TACC2: variants seen among roughly 807,000 people sequenced by gnomAD.
TACC2 encodes the protein transforming acidic coiled-coil containing protein 2, also known as transforming acidic coiled-coil-containing protein 2.
A neutral mutation model predicts 227.3 loss-of-function variants in TACC2; 137 were observed. That is an observed-to-expected ratio of 0.60 (90% confidence interval 0.52 to 0.69). The LOEUF (loss-of-function observed/expected upper bound fraction) is 0.69, where lower values mean the gene tolerates loss of function less well. Among genes scored for constraint, TACC2 ranks in the 30% least tolerant of loss-of-function variants. TACC2 has a pLI of 0.00. For missense variants in TACC2, 3,470 were observed against 3,694.4 expected (o/e 0.94, Z 1.57); for synonymous variants, 1,523 against 1,487.5 (o/e 1.02, Z -0.55).
chr10:122,014,952 C>T (rs113686851), intron 1 of TACC2, among the ~76,000 whole-genome samples: 1 of 152,180 alleles, frequency 6.6e-6, no homozygotes, highest in Non-Finnish European at 1.5e-5. Flanking sequence ...GAGATAAAGG[C>T]GGAAGTTATC....
chr10:122,149,347 C>T (rs1207386572), intron 7 of TACC2, among the ~76,000 whole-genome samples: 2 of 152,232 alleles, frequency 1.3e-5, no homozygotes, highest in East Asian at 3.9e-4. Flanking sequence ...GGAGAAGCAG[C>T]TGAGCTTCTT....
chr10:122,242,848 G>C (rs1214968759), intron 19 of TACC2, among the ~76,000 whole-genome samples: 1 of 152,066 alleles, frequency 6.6e-6, no homozygotes, highest in African/African-American at 2.4e-5. Flanking sequence ...TGCCCAGGCT[G>C]GTCTCAAACT....
intron 9 of TACC2, 67 bp from the exon 10 acceptor site, chr10:122,215,324 C>T (rs2095379518): frequency 7.0e-7 from 1 of 1,438,738 alleles, no homozygotes; most frequent in Non-Finnish European, 9.8e-7. Context: ...CTTCGGTCCG[C>T]TCTGTACTGC....
At chr10:122,111,398 T>C (rs2083581736) in intron 5 of TACC2, among the ~76,000 whole-genome samples, 1 of 152,240 alleles carries the variant, frequency 6.6e-6, no homozygotes, top group African/African-American at 2.4e-5. Flanking sequence ...CTCAAGTTCA[T>C]CTTAGCTCGT....
intron 9 of TACC2, among the ~76,000 whole-genome samples, chr10:122,214,347 AT>A (rs200016842): frequency 1.4e-4 from 21 of 151,760 alleles, no homozygotes; most frequent in Non-Finnish European, 2.5e-4. Context: ...ATAGCCATTT[AT>A]TTTTTTTTCA....
Position 122,082,974 on chromosome 10 carries a change from G to C in TACC2, c.474G>C (p.Arg158Ser), listed in dbSNP as rs2137078516. Residue 158 changes from arginine (R) to serine (S), a missense_variant, in exon 4 of 23, where the codon AGG becomes AGC. Physicochemically the swap from Arg to Ser is moderately radical, Grantham distance 110 (BLOSUM62 -1). Coordinates refer to ENST00000369005, the MANE Select transcript of TACC2 (RefSeq NM_206862.4). ...TCGCGGCGGCATTTCCCGCTGAGAGGGACAGCTCTACTCCATACCAAGAGA... is the reference window on the plus strand; with the variant it reads ...TCGCGGCGGCATTTCCCGCTGAGAGCGACAGCTCTACTCCATACCAAGAGA... ...GDIAAAFPAE[R>S]DSSTPYQEIA... The C allele has an allele frequency of 6.2e-7, 1 of 1,612,852 alleles. No individual in the cohort carries two copies. Among genetic ancestry groups the C allele is most frequent in the East Asian group, 2.2e-5 (1 of 44,848 alleles).
At chr10:122,177,107 C>T (rs1327952288) in intron 7 of TACC2, among the ~76,000 whole-genome samples, 1 of 152,140 alleles carries the variant, frequency 6.6e-6, no homozygotes, top group Admixed American at 6.5e-5. Flanking sequence ...TACAAAAGGG[C>T]AGCTTTTCAG....
At position 122,209,271 on chromosome 10, in the gene TACC2, G is replaced by C. The variant is rs562187965; in HGVS notation, c.5972-1126G>C. Among the ~76,000 whole-genome samples, 2 of 152,230 alleles carry C rather than the reference G, an allele frequency of 1.3e-5. No homozygotes were observed. Among genetic ancestry groups the C allele is most frequent in the South Asian group, 4.1e-4 (2 of 4,820 alleles). ...GACAGCAAGTGCTACTACAGGTGCC[G>C]GGGGCCTCCGTGTACAGGCTCCCCT... On this transcript the variant is annotated intron_variant, in intron 8 of 22. Transcript: ENST00000369005. The surrounding 1 kb of genome is among the most constrained non-coding windows in gnomAD (Gnocchi z 4.5).
chr10:122,135,716 C>A (rs2089484343), intron 6 of TACC2, among the ~76,000 whole-genome samples: 2 of 152,210 alleles, frequency 1.3e-5, no homozygotes, highest in African/African-American at 4.8e-5. Flanking sequence ...TTGATTACCC[C>A]AGAGTTGATA....
At position 122,217,443 on chromosome 10, in the gene TACC2, T is replaced by C. The variant is rs561028939; in HGVS notation, c.7546+615T>C. ...TTCTTTTTCTTTCTTTTTTCTTTTT[T>C]TTTTTTTTTTTTTTTGAGATGGGGT... On this transcript the variant is annotated intron_variant, in intron 11 of 22. Coordinates refer to ENST00000369005, the MANE Select transcript of TACC2 (RefSeq NM_206862.4). 2.8e-3 allele frequency among the ~76,000 whole-genome samples: 402 copies of C among 142,362 alleles called. 2 individuals carry two copies. The highest frequency in any genetic ancestry group is 9.4e-3 in the African/African-American group (368 of 39,258). The allele number at this position is 142,362 out of a possible 152,430, so 93.4% of individuals were successfully genotyped here.
intron 3 of TACC2, among the ~76,000 whole-genome samples, chr10:122,075,800 T>C (rs1244973341): frequency 6.6e-6 from 1 of 152,140 alleles, no homozygotes; most frequent in Non-Finnish European, 1.5e-5. Flanking sequence ...AATAATTGAT[T>C]TCTTTTTTTT....
rs1476156969 is a variant in TACC2 at position 121,991,900 on chromosome 10, AAG to A, written c.-46+2413_-46+2414del. 3.9e-5 allele frequency among the ~76,000 whole-genome samples: 6 copies of A among 152,304 alleles called. No homozygotes were observed. In the South Asian group the frequency reaches 1.2e-3, roughly 32 times the overall value. ...ATCATGGCAGGAGGCAAGGAGGAGC[AAG>A]TCACATCTTACATGGATGACAGCAG... On this transcript the variant is annotated intron_variant, in intron 1 of 22. Coordinates refer to ENST00000369005, the MANE Select transcript of TACC2 (RefSeq NM_206862.4).
At chr10:122,078,284 G>A (rs1177775176) in intron 3 of TACC2, among the ~76,000 whole-genome samples, 1 of 151,350 alleles carries the variant, frequency 6.6e-6, no homozygotes, top group Non-Finnish European at 1.5e-5. Flanking sequence ...TATCTTTACG[G>A]CTTTGCTTTA....
chr10:122,106,194 G>T (rs1442567378), intron 5 of TACC2, among the ~76,000 whole-genome samples: 1 of 151,148 alleles, frequency 6.6e-6, no homozygotes, highest in African/African-American at 2.4e-5. Flanking sequence ...TGCCATGTTC[G>T]CCAGGTTGGT....
chr10:122,238,162 A>G, intron 18 of TACC2, 125 bp downstream of exon 18: 1 of 677,326 alleles, frequency 1.5e-6, no homozygotes, highest in Non-Finnish European at 2.5e-6. Context: ...TTTATTACAC[A>G]CAGTTCATAT....
intron 5 of TACC2, among the ~76,000 whole-genome samples, chr10:122,121,584 G>A (rs1368111597): frequency 1.3e-5 from 2 of 152,190 alleles, no homozygotes; most frequent in Non-Finnish European, 2.9e-5. Flanking sequence ...TCTAAAAAAT[G>A]TCTGGGACTT....
rs1475874537 is a variant in TACC2, at chr10:122,086,341, G to C, written c.3841G>C (p.Ala1281Pro). The change falls in exon 4 of 23, where the codon GCT becomes CCT. Residue 1281 changes from alanine to proline, a missense_variant. Coordinates refer to ENST00000369005, the MANE Select transcript of TACC2 (RefSeq NM_206862.4). ...VGEPPLALENAASLKLFAGSL... is the reference protein window; with the variant it reads ...VGEPPLALENPASLKLFAGSL... ...GGAGCCCCCACTTGCCTTGGAAAAT[G>C]CTGCCTCCTTGAAGCTGTTTGCTGG... The C allele has an allele frequency of 2.5e-6, 4 of 1,613,690 alleles. No individual in the cohort carries two copies. The highest frequency in any genetic ancestry group is 3.4e-6 in the Non-Finnish European group (4 of 1,180,028).
intron 9 of TACC2, among the ~76,000 whole-genome samples, chr10:122,214,005 C>T (rs960932009): frequency 1.3e-5 from 2 of 152,196 alleles, no homozygotes; most frequent in Non-Finnish European, 2.9e-5. Context: ...GTGGGTCACC[C>T]TGCCACTTGT....
At chr10:122,017,338 G>A (rs1340660440) in intron 1 of TACC2, among the ~76,000 whole-genome samples, 5 of 152,076 alleles carry the variant, frequency 3.3e-5, no homozygotes, top group Non-Finnish European at 7.4e-5. Flanking sequence ...AGTCCCCTGT[G>A]CCGCCGCCGT....
Sources: allele counts gnomAD v4.1 joint callset (sites outside exome capture counted in the v4.1 genomes callset), GRCh38; gene constraint gnomAD v4.1.1; non-coding constraint Gnocchi (gnomAD v3.1); transcripts MANE v1.5; gene names NCBI Gene and HGNC (gene_info 2026-07-23, HGNC 2026-07-21).